Variants in PVT1 observed in about 807,000 individuals in gnomAD.
The protein encoded by PVT1 is CXCR4/PVT1 fusion.
chr8:128,020,324 T>G (rs533857408), intron 4 of PVT1, among the ~76,000 whole-genome samples: 5 of 152,232 alleles, frequency 3.3e-5, no homozygotes, highest in African/African-American at 7.2e-5. Flanking sequence ...AGGGAGAGTA[T>G]CCTTGGTTAT....
intron 4 of PVT1, among the ~76,000 whole-genome samples, chr8:128,014,150 ATG>A (rs1421961244): frequency 6.6e-6 from 1 of 152,196 alleles, no homozygotes; most frequent in African/African-American, 2.4e-5. Flanking sequence ...AGGTGAGGGA[ATG>A]TGTCTTTTTT....
chr8:127,956,043 A>G (rs976977010), intron 3 of PVT1, among the ~76,000 whole-genome samples: 1 of 152,256 alleles, frequency 6.6e-6, no homozygotes, highest in East Asian at 1.9e-4. Context: ...CCTCTTTGAC[A>G]GAGATAGCCT....
intron 3 of PVT1, chr8:127,989,072 C>T (rs1160338376): frequency 1.3e-5 from 2 of 152,144 alleles, no homozygotes; most frequent in Admixed American, 1.3e-4. Flanking sequence ...ATGTGCAGTC[C>T]TTATCTTTTA....
At chr8:127,953,650 G>C (rs533774991) in intron 3 of PVT1, among the ~76,000 whole-genome samples, 2 of 152,142 alleles carry the variant, frequency 1.3e-5, no homozygotes, top group South Asian at 4.1e-4. Context: ...AGATAAAAAA[G>C]CTGAGACTGA....
intron 2 of PVT1, among the ~76,000 whole-genome samples, chr8:127,864,601 G>A (rs1273365045): frequency 1.3e-5 from 2 of 151,898 alleles, no homozygotes; most frequent in African/African-American, 2.4e-5. Context: ...AGGCTGGAGT[G>A]CAGTGGCGCG....
intron 4 of PVT1, among the ~76,000 whole-genome samples, chr8:127,990,788 C>T (rs1817023925): frequency 6.6e-6 from 1 of 152,186 alleles, no homozygotes; most frequent in Admixed American, 6.5e-5. Flanking sequence ...AGCATGAGGC[C>T]TTGCCCTTCA....
chr8:127,912,890 G>T (rs1238610029), intron 3 of PVT1, among the ~76,000 whole-genome samples: 1 of 152,194 alleles, frequency 6.6e-6, no homozygotes, highest in Non-Finnish European at 1.5e-5. Flanking sequence ...TAGAAATGGG[G>T]TTTCACCATG....
chr8:127,909,211 G>T (rs534572853), intron 3 of PVT1, among the ~76,000 whole-genome samples: 2 of 152,194 alleles, frequency 1.3e-5, no homozygotes, highest in Non-Finnish European at 1.5e-5. Flanking sequence ...AATGGGTCAC[G>T]CAGGCCGCGT....
At chr8:127,923,563 A>G (rs1423300711) in intron 3 of PVT1, among the ~76,000 whole-genome samples, 2 of 152,190 alleles carry the variant, frequency 1.3e-5, no homozygotes, top group Non-Finnish European at 2.9e-5. Context: ...TTCTATTGGC[A>G]GAGGGTTCAA....
At chr8:128,000,443 G>A (rs1293093122) in intron 4 of PVT1, among the ~76,000 whole-genome samples, 2 of 152,188 alleles carry the variant, frequency 1.3e-5, no homozygotes, top group African/African-American at 2.4e-5. Context: ...GAATGGTCAG[G>A]CACCTCCATG....
intron 2 of PVT1, among the ~76,000 whole-genome samples, chr8:127,819,740 G>C (rs958477484): frequency 7.9e-5 from 12 of 152,270 alleles, no homozygotes; most frequent in Non-Finnish European, 5.9e-5. Context: ...AGAGTTCCTG[G>C]GGTACATATT....
At chr8:128,029,688 ACTCGGGAGGCTGAGGCAGGAGAAT>A (rs1288782920) in intron 4 of PVT1, among the ~76,000 whole-genome samples, 1 of 152,060 alleles carries the variant, frequency 6.6e-6, no homozygotes, top group African/African-American at 2.4e-5. Context: ...AGTCCCAGCT[ACTCGGGAGGCTGAGGCAGGAGAAT>A]CACTTGAACC....
intron 3 of PVT1, among the ~76,000 whole-genome samples, chr8:127,894,903 C>G (rs1358178542): frequency 6.6e-6 from 1 of 152,222 alleles, no homozygotes; most frequent in Non-Finnish European, 1.5e-5. Context: ...CCTGAAGATT[C>G]ATGATGAAGT....
intron 4 of PVT1, among the ~76,000 whole-genome samples, chr8:128,066,320 A>G (rs1468233971): frequency 2.0e-4 from 31 of 152,192 alleles, no homozygotes; most frequent in Non-Finnish European, 1.5e-4. Flanking sequence ...TCCAGAGGTC[A>G]TTCTCTCTTC....
In PVT1 at chr8:128,036,356, T is replaced by C. The variant is rs560960819; in HGVS notation, n.913-33804T>C. ...GAGCACAGTATGTACCCCAGCACCTTCCTCCCGTGCCTTACCTCTTGTACC... is the reference window on the plus strand; with the variant it reads ...GAGCACAGTATGTACCCCAGCACCTCCCTCCCGTGCCTTACCTCTTGTACC... On this transcript the variant is annotated intron_variant and non_coding_transcript_variant, in intron 4 of 10. Transcript: ENST00000651587. Among the ~76,000 whole-genome samples the C allele has an allele frequency of 3.0e-4, 46 of 152,290 alleles. 1 individual carries two copies. The South Asian group carries it at 9.5e-3, about 32-fold the overall frequency.
chr8:127,955,201 G>T (rs561942827), intron 3 of PVT1, among the ~76,000 whole-genome samples: 1 of 152,144 alleles, frequency 6.6e-6, no homozygotes, highest in African/African-American at 2.4e-5. Flanking sequence ...ACCAGGATGC[G>T]CACACACAGA....
intron 3 of PVT1, among the ~76,000 whole-genome samples, chr8:127,918,151 T>C (rs1019588540): frequency 2.8e-4 from 42 of 152,194 alleles, no homozygotes; most frequent in African/African-American, 9.9e-4. Context: ...GGGGGCGGCC[T>C]GCGCCACCGG....
At chr8:127,880,314 G>A (rs879942423) in intron 2 of PVT1, among the ~76,000 whole-genome samples, 6 of 151,880 alleles carry the variant, frequency 4.0e-5, no homozygotes, top group Non-Finnish European at 7.4e-5. Context: ...TCTTTGAGAC[G>A]GAGTCTTGCT....
chr8:127,988,418 A>C (rs1414108929), intron 3 of PVT1, among the ~76,000 whole-genome samples: 1 of 152,206 alleles, frequency 6.6e-6, no homozygotes, highest in Non-Finnish European at 1.5e-5. Context: ...TCTTTGAAGG[A>C]CAGGAGAGAA....
Sources: gnomAD v4.1 joint callset for allele counts (sites outside exome capture counted in the v4.1 genomes callset) on GRCh38, gnomAD v4.1.1 for gene constraint, MANE v1.5 for transcripts, NCBI Gene and HGNC (gene_info 2026-07-23, HGNC 2026-07-21) for gene names.